Variants in FOXN3 observed in about 807,000 individuals in gnomAD.
The protein encoded by FOXN3 is forkhead box protein N3.
Under a neutral mutation model 38.4 loss-of-function variants are expected in FOXN3, and 7 were observed. The observed-to-expected ratio is 0.18, with a 90% CI of 0.10 to 0.34. The LOEUF (loss-of-function observed/expected upper bound fraction) is 0.34. Among genes scored for constraint, FOXN3 ranks in the 10% least tolerant of loss-of-function variants. The pLI is 1.00. For missense variants in FOXN3, 456 were observed against 613.4 expected, an observed-to-expected ratio of 0.74 and a Z score of 2.71; for synonymous variants, 230 against 242.2, an observed-to-expected ratio of 0.95 and a Z score of 0.47.
chr14:89,273,848 C>G (rs1300118425), intron 4 of FOXN3, among the ~76,000 whole-genome samples: 1 of 152,166 alleles, frequency 6.6e-6, no homozygotes, highest in African/African-American at 2.4e-5. Flanking sequence ...AAGGGCCCCT[C>G]CTTGAAACCA....
chr14:89,367,061 A>C (rs970707095), intron 2 of FOXN3, among the ~76,000 whole-genome samples: 1 of 152,226 alleles, frequency 6.6e-6, no homozygotes, highest in Non-Finnish European at 1.5e-5. Context: ...TTTAATAAAT[A>C]ATCATGAGCC....
intron 1 of FOXN3, among the ~76,000 whole-genome samples, chr14:89,434,519 C>T (rs560751091): frequency 7.8e-4 from 118 of 152,204 alleles, no homozygotes; most frequent in African/African-American, 2.6e-3. Flanking sequence ...TGTGAGCCAC[C>T]GTGCCTGGCC....
chr14:89,523,862 A>G (rs750464852), intron 1 of FOXN3, among the ~76,000 whole-genome samples: 8 of 151,876 alleles, frequency 5.3e-5, no homozygotes, highest in Non-Finnish European at 1.0e-4. Flanking sequence ...TCCCGGGTTC[A>G]AGCAATTGTC....
chr14:89,486,220 T>A (rs1378294503), intron 1 of FOXN3, among the ~76,000 whole-genome samples: 3 of 152,202 alleles, frequency 2.0e-5, no homozygotes, highest in Admixed American at 6.5e-5. Context: ...ACGATTAAAG[T>A]AAAACATGAG....
At chr14:89,431,864 G>A (rs1025360402) in intron 1 of FOXN3, among the ~76,000 whole-genome samples, 8 of 151,974 alleles carry the variant, frequency 5.3e-5, no homozygotes, top group Non-Finnish European at 1.2e-4. Flanking sequence ...ACAGGCGCCC[G>A]CCACCACGTC....
At chr14:89,364,869 T>C (rs1890091158) in intron 2 of FOXN3, among the ~76,000 whole-genome samples, 1 of 152,206 alleles carries the variant, frequency 6.6e-6, no homozygotes. Context: ...ATGGGTAGAA[T>C]TGTAAGGACT....
intron 2 of FOXN3, among the ~76,000 whole-genome samples, chr14:89,388,019 C>A (rs1309609487): frequency 6.6e-6 from 1 of 152,218 alleles, no homozygotes; most frequent in Non-Finnish European, 1.5e-5. Context: ...TCTGTCTCTA[C>A]TAAAAATACA....
At chr14:89,549,400 A>C (rs576321021) in intron 1 of FOXN3, among the ~76,000 whole-genome samples, 1 of 152,324 alleles carries the variant, frequency 6.6e-6, no homozygotes, top group South Asian at 2.1e-4. Context: ...TTGAGAAAAG[A>C]AAGCAAGGCT....
chr14:89,191,489 A>G (rs906901019), intron 4 of FOXN3, among the ~76,000 whole-genome samples: 3 of 152,182 alleles, frequency 2.0e-5, no homozygotes, highest in African/African-American at 4.8e-5. Context: ...GCCAAACCCA[A>G]TGACTAATGA....
chr14:89,603,415 A>G (rs1345585968), intron 1 of FOXN3, among the ~76,000 whole-genome samples: 1 of 152,228 alleles, frequency 6.6e-6, no homozygotes, highest in Non-Finnish European at 1.5e-5. Flanking sequence ...ACCTCAACTA[A>G]TATGTTGGAA....
rs1858404378 is a variant in FOXN3 at position 89,241,415 on chromosome 14, C to G, written c.745+39535G>C. 2.0e-5 allele frequency among the ~76,000 whole-genome samples: 3 copies of G among 152,094 alleles called. No homozygotes were observed. In the South Asian group the frequency reaches 6.2e-4, roughly 32 times the overall value. ...ACCGTGAGCTTGTGAAAATTCAACCCAAAGCCACCATGGTGGCTGAATGAG... is the reference window on the plus strand; with the variant it reads ...ACCGTGAGCTTGTGAAAATTCAACCGAAAGCCACCATGGTGGCTGAATGAG... On this transcript the variant is annotated intron_variant, in intron 4 of 5. Coordinates refer to ENST00000557258, the MANE Select transcript of FOXN3 (RefSeq NM_005197.4).
At chr14:89,203,255 G>A (rs551530234) in intron 4 of FOXN3, among the ~76,000 whole-genome samples, 170 of 152,322 alleles carry the variant, frequency 1.1e-3, no homozygotes, top group South Asian at 2.7e-3. Flanking sequence ...ACTTCAGAGG[G>A]ATGTGCGGTT....
chr14:89,212,772 C>T (rs545577070), intron 4 of FOXN3, among the ~76,000 whole-genome samples: 12 of 152,294 alleles, frequency 7.9e-5, no homozygotes, highest in African/African-American at 2.6e-4. Flanking sequence ...ACCACAGAAC[C>T]AGGCACATCA....
chr14:89,296,056 T>C (rs1010446930), intron 3 of FOXN3, among the ~76,000 whole-genome samples: 5 of 152,176 alleles, frequency 3.3e-5, no homozygotes, highest in Non-Finnish European at 5.9e-5. Flanking sequence ...AAGTAATAGA[T>C]TAGGTAATTT....
In FOXN3 at chr14:89,580,120, G is replaced by A. The variant is rs575494501; in HGVS notation, c.-15+38908C>T. 1.3e-4 allele frequency among the ~76,000 whole-genome samples: 20 copies of A among 152,182 alleles called. No homozygotes were observed. In the South Asian group the frequency reaches 4.1e-3, roughly 32 times the overall value. On this transcript the variant is annotated intron_variant, in intron 1 of 6. Transcript: ENST00000345097. ...AACCCATATTTCTAAACACCAGATT[G>A]GTATTTCTAGCAGAGTCTAGGAAAT...
chr14:89,409,351 A>AGGT (rs138581623), intron 2 of FOXN3: 1 of 140,924 alleles, frequency 7.1e-6, no homozygotes, highest in Admixed American at 6.9e-5. Context: ...GCGGTGGGGG[A>AGGT]CGGGGGGGTC....
intron 1 of FOXN3, among the ~76,000 whole-genome samples, chr14:89,528,474 G>A (rs1485057735): frequency 3.1e-5 from 4 of 130,424 alleles, no homozygotes; most frequent in East Asian, 2.5e-4. Context: ...TTGGCTCACC[G>A]CAACCTCCGC....
chr14:89,204,313 G>T (rs1041473031), intron 4 of FOXN3, among the ~76,000 whole-genome samples: 4 of 152,150 alleles, frequency 2.6e-5, no homozygotes, highest in African/African-American at 4.8e-5. Flanking sequence ...ATGGTGCATG[G>T]CTGGGCTGCC....
At chr14:89,509,953 A>C (rs1894022614) in intron 1 of FOXN3, among the ~76,000 whole-genome samples, 2 of 152,164 alleles carry the variant, frequency 1.3e-5, no homozygotes, top group Non-Finnish European at 2.9e-5. Flanking sequence ...GGAGAAGGGC[A>C]TGTTTCCCAT....
Sources: gnomAD v4.1 joint callset for allele counts (sites outside exome capture counted in the v4.1 genomes callset) on GRCh38, gnomAD v4.1.1 for gene constraint, MANE v1.5 for transcripts, NCBI Gene and HGNC (gene_info 2026-07-23, HGNC 2026-07-21) for gene names.